GRAMD1B: variants seen among roughly 807,000 people sequenced by gnomAD.
GRAMD1B encodes the protein GRAM domain containing 1B, also known as protein Aster-B.
In GRAMD1B, 37 loss-of-function variants were observed where a neutral mutation model predicts 99.7. The observed-to-expected ratio is 0.37, with a 90% CI of 0.29 to 0.49. The LOEUF (loss-of-function observed/expected upper bound fraction) is 0.49, where lower values mean the gene tolerates loss of function less well. Ranked by LOEUF, GRAMD1B falls within the 20% of genes least tolerant of loss-of-function variation. The pLI is 0.98. For synonymous variants in GRAMD1B, 427 were observed against 387.6 expected, an observed-to-expected ratio of 1.10 and a Z score of -1.19; for missense variants, 888 against 1,009.2, an observed-to-expected ratio of 0.88 and a Z score of 1.63.
At chr11:123,486,564 AAAAAAC>A (rs1937812071) in intron 2 of GRAMD1B, among the ~76,000 whole-genome samples, 1 of 147,630 alleles carries the variant, frequency 6.8e-6, no homozygotes, top group Non-Finnish European at 1.5e-5. Flanking sequence ...GAAAAAAAAA[AAAAAAC>A]AAAAAGAAAA....
intron 1 of GRAMD1B, among the ~76,000 whole-genome samples, chr11:123,396,651 C>A (rs994927221): frequency 1.3e-5 from 2 of 152,302 alleles, no homozygotes; most frequent in East Asian, 3.9e-4. Context: ...CCTCTCCCAC[C>A]CCAAATGTGA....
At chr11:123,600,721 T>TA (rs1951842315) in intron 8 of GRAMD1B, among the ~76,000 whole-genome samples, 173 bp downstream of exon 8, 1 of 152,080 alleles carries the variant, frequency 6.6e-6, no homozygotes, top group Non-Finnish European at 1.5e-5. Flanking sequence ...CCCCCAGGAG[T>TA]AAGGCACTCA....
rs531948472 is a variant in GRAMD1B, at chr11:123,613,283, G to C, written c.2024-172G>C. The C allele has an allele frequency of 5.5e-4, 330 of 601,386 alleles. No homozygotes were observed. The African/African-American group carries it at 5.7e-3, about 10-fold the overall frequency. 37.3% of individuals were successfully genotyped at this position (601,386 alleles called of 1,614,324 possible). ...CAATGTTGAACAACCCCAGAGGAAG[G>C]GTTTGACTGGGGCTGGGTCCCACAA... On this transcript the variant is annotated intron_variant, in intron 15 of 19. Transcript: ENST00000635736.
At chr11:123,531,657 G>A (rs777090630) in intron 2 of GRAMD1B, among the ~76,000 whole-genome samples, 3 of 151,606 alleles carry the variant, frequency 2.0e-5, no homozygotes, top group Non-Finnish European at 4.4e-5. Context: ...TGAATTCTTC[G>A]GAAGACTGGA....
chr11:123,437,425 G>C (rs1025007592), intron 1 of GRAMD1B, among the ~76,000 whole-genome samples: 7 of 152,160 alleles, frequency 4.6e-5, no homozygotes, highest in Non-Finnish European at 7.4e-5. Flanking sequence ...GAAAGCTGAC[G>C]ACGGGTGAGT....
intron 1 of GRAMD1B, among the ~76,000 whole-genome samples, chr11:123,407,254 AT>A (rs1260208359): frequency 7.7e-6 from 1 of 130,156 alleles, no homozygotes; most frequent in Non-Finnish European, 1.6e-5. Flanking sequence ...ACTGGAAATT[AT>A]TACTTCCTTT....
chr11:123,491,250 T>G (rs952599454), intron 2 of GRAMD1B, among the ~76,000 whole-genome samples: 1 of 152,180 alleles, frequency 6.6e-6, no homozygotes, highest in African/African-American at 2.4e-5. Flanking sequence ...GTCTAGCCAC[T>G]GGGATAGGTA....
At chr11:123,515,271 C>T (rs929294042) in intron 2 of GRAMD1B, among the ~76,000 whole-genome samples, 13 of 151,956 alleles carry the variant, frequency 8.6e-5, no homozygotes, top group Non-Finnish European at 1.5e-4. Flanking sequence ...CTGAACTGCC[C>T]GTGAGATATC....
intron 2 of GRAMD1B, among the ~76,000 whole-genome samples, chr11:123,489,114 G>A (rs1278828591): frequency 1.3e-5 from 2 of 151,866 alleles, no homozygotes; most frequent in Non-Finnish European, 1.5e-5. Flanking sequence ...GTCCATTTAT[G>A]TCCCCAGATA....
intron 1 of GRAMD1B, among the ~76,000 whole-genome samples, chr11:123,378,755 T>C (rs1445191756): frequency 1.3e-5 from 2 of 152,250 alleles, no homozygotes; most frequent in African/African-American, 4.8e-5. Context: ...TTCATGTGAA[T>C]CTGGTTCAGC....
rs1955316607 is a variant in GRAMD1B at position 123,623,273 on chromosome 11, C to T, written c.*678C>T. 1 of 152,122 alleles carries T rather than the reference C, an allele frequency of 6.6e-6. No homozygotes were observed. Among genetic ancestry groups the T allele is most frequent in the Non-Finnish European group, 1.5e-5 (1 of 68,036 alleles). The allele number at this position is 152,122 out of a possible 1,614,324, so 9.4% of individuals were successfully genotyped here. ...CCATCACCCCTGCACCTTCCTCCGA[C>T]CTGTGTAGGGTGTGGACCCAGTAAG... On this transcript the variant is annotated 3_prime_UTR_variant, in exon 20 of 20. Coordinates refer to ENST00000635736, the MANE Select transcript of GRAMD1B (RefSeq NM_001387025.1).
chr11:123,487,024 G>A (rs995230351), intron 2 of GRAMD1B, among the ~76,000 whole-genome samples: 3 of 152,182 alleles, frequency 2.0e-5, no homozygotes, highest in African/African-American at 4.8e-5. Context: ...AGCTGAGATC[G>A]CACCACTGCA....
intron 2 of GRAMD1B, among the ~76,000 whole-genome samples, chr11:123,544,966 T>C (rs745615696): frequency 6.6e-6 from 1 of 152,226 alleles, no homozygotes; most frequent in Non-Finnish European, 1.5e-5. Flanking sequence ...CTAGTCTCTT[T>C]TTCTTTCCCT....
intron 2 of GRAMD1B, among the ~76,000 whole-genome samples, chr11:123,530,791 G>T (rs1943275394): frequency 1.3e-5 from 2 of 152,188 alleles, no homozygotes; most frequent in South Asian, 4.1e-4. Context: ...TTATCAGGAG[G>T]TGAGTTGCGG....
chr11:123,433,786 A>G (rs901881276), intron 1 of GRAMD1B, among the ~76,000 whole-genome samples: 4 of 152,084 alleles, frequency 2.6e-5, no homozygotes, highest in African/African-American at 9.7e-5. Flanking sequence ...GGTTAGATTT[A>G]GGAAGGTATT....
chr11:123,462,116 G>A (rs1310311507), intron 1 of GRAMD1B, among the ~76,000 whole-genome samples: 1 of 151,830 alleles, frequency 6.6e-6, no homozygotes, highest in Admixed American at 6.6e-5. Context: ...ACAGGCGCCC[G>A]CCACCATGCC....
intron 2 of GRAMD1B, among the ~76,000 whole-genome samples, chr11:123,512,084 T>C (rs1941082584): frequency 6.6e-6 from 1 of 152,220 alleles, no homozygotes; most frequent in Admixed American, 6.5e-5. Context: ...CTCTTTTCCT[T>C]CCTTCCACAA....
intron 2 of GRAMD1B, among the ~76,000 whole-genome samples, chr11:123,517,879 A>G (rs1014314200): frequency 4.6e-5 from 7 of 152,200 alleles, no homozygotes; most frequent in African/African-American, 1.4e-4. Flanking sequence ...GACAACAGGA[A>G]GCAGCTGGCT....
intron 4 of GRAMD1B, among the ~76,000 whole-genome samples, chr11:123,590,782 A>C (rs1043189159): frequency 3.9e-5 from 6 of 152,182 alleles, no homozygotes; most frequent in African/African-American, 1.4e-4. Context: ...GTGCCCGCCC[A>C]GGGTAGAGGT....
Sources: gnomAD v4.1 joint callset for allele counts (sites outside exome capture counted in the v4.1 genomes callset) on GRCh38, gnomAD v4.1.1 for gene constraint, MANE v1.5 for transcripts, NCBI Gene and HGNC (gene_info 2026-07-23, HGNC 2026-07-21) for gene names.